Variants in TM9SF4 observed in about 807,000 individuals in gnomAD.
The protein encoded by TM9SF4 is dinucleotide oxidase disulfide thiol exchanger 3 superfamily member 4.
In TM9SF4, 26 loss-of-function variants were observed where a neutral mutation model predicts 90.4. The ratio of observed to expected loss-of-function variants is 0.29; its 90% CI spans 0.21 to 0.40. The LOEUF (loss-of-function observed/expected upper bound fraction) is 0.40. TM9SF4 is among the 10% of genes least tolerant of loss of function. The probability of loss-of-function intolerance (pLI) is 1.00; values close to 1 mark genes in which losing one functional copy is unlikely to be tolerated. For synonymous variants in TM9SF4, 293 were observed against 315.4 expected (o/e 0.93, Z 0.75); for missense variants, 549 against 834.8 (o/e 0.66, Z 4.22).
At chr20:32,129,492 C>T (rs1315455485) in intron 1 of TM9SF4, among the ~76,000 whole-genome samples, 10 of 149,748 alleles carry the variant, frequency 6.7e-5, no homozygotes. Context: ...GACCCTGTCT[C>T]AAAAAAAGAA....
chr20:32,143,239 A>G, intron 6 of TM9SF4, 134 bp downstream of exon 6: 1 of 1,137,260 alleles, frequency 8.8e-7, no homozygotes, highest in South Asian at 1.6e-5. Context: ...CCAAGGTAGG[A>G]TCATGGTATT....
chr20:32,165,247 G>T (rs1345695704), intron 17 of TM9SF4, 48 bp from the exon 18 acceptor site: 1 of 1,609,736 alleles, frequency 6.2e-7, no homozygotes, highest in Non-Finnish European at 8.5e-7. Flanking sequence ...TCGCCATGCA[G>T]CCTGGCACTA....
intron 1 of TM9SF4, among the ~76,000 whole-genome samples, chr20:32,127,020 C>A (rs1471345727): frequency 6.6e-6 from 1 of 152,170 alleles, no homozygotes; most frequent in East Asian, 1.9e-4. Context: ...AGGCACGAGC[C>A]ACCGCACCCA....
intron 1 of TM9SF4, among the ~76,000 whole-genome samples, chr20:32,123,866 A>ATTTTTTTTTTTTTTTTTTTT (rs1165240152): frequency 1.1e-5 from 1 of 93,980 alleles, no homozygotes; most frequent in African/African-American, 4.6e-5. Context: ...ATATATATAT[A>ATTTTTTTTTTTTTTTTTTTT]TTTTTTTTTT....
intron 1 of TM9SF4, among the ~76,000 whole-genome samples, chr20:32,122,657 C>T (rs1030021397): frequency 1.3e-5 from 2 of 150,906 alleles, no homozygotes; most frequent in African/African-American, 4.9e-5. Flanking sequence ...GGATGGCGGC[C>T]GGGCAGAGAC....
chr20:32,138,856 T>C (rs1210783495), intron 3 of TM9SF4, among the ~76,000 whole-genome samples: 1 of 152,220 alleles, frequency 6.6e-6, no homozygotes, highest in Admixed American at 6.5e-5. Flanking sequence ...GGAAATGGTA[T>C]AGAGGAAAGA....
At chr20:32,129,678 G>A (rs1220611808) in intron 1 of TM9SF4, among the ~76,000 whole-genome samples, 5 of 149,498 alleles carry the variant, frequency 3.3e-5, no homozygotes, top group African/African-American at 9.9e-5. Context: ...TCCGCCTCCC[G>A]GGTTCAAGCA....
chr20:32,140,371 C>A (rs2046654473), intron 3 of TM9SF4, among the ~76,000 whole-genome samples: 1 of 152,144 alleles, frequency 6.6e-6, no homozygotes, highest in African/African-American at 2.4e-5. Flanking sequence ...GCCTGAAAAT[C>A]TCAGGTGCTG....
intron 15 of TM9SF4, among the ~76,000 whole-genome samples, chr20:32,158,745 G>A (rs897027679): frequency 6.6e-6 from 1 of 152,200 alleles, no homozygotes; most frequent in Non-Finnish European, 1.5e-5. Context: ...CACTTTGGGA[G>A]GCCGAGGTGG....
intron 16 of TM9SF4, among the ~76,000 whole-genome samples, chr20:32,160,868 T>C (rs2047005495): frequency 7.2e-6 from 1 of 139,830 alleles, no homozygotes; most frequent in Non-Finnish European, 1.5e-5. Context: ...GAGAATCACT[T>C]GAACCCAGGA....
At position 32,155,246 on chromosome 20, in the gene TM9SF4, G is replaced by T. The variant is rs1200597106; in HGVS notation, c.1329+60G>T. The T allele has an allele frequency of 2.1e-6, 3 of 1,403,796 alleles. No homozygotes were observed. In the African/African-American group the frequency reaches 4.2e-5, roughly 20 times the overall value. 87.0% of individuals were successfully genotyped at this position (1,403,796 alleles called of 1,614,324 possible). ...AGCAAGCGAGGACCAGTTGCACTCAGCCCTACTCCCAAAAGCCACTTCCTG... is the reference window on the plus strand; with the variant it reads ...AGCAAGCGAGGACCAGTTGCACTCATCCCTACTCCCAAAAGCCACTTCCTG... On this transcript the variant is annotated intron_variant, in intron 13 of 17. Transcript: ENST00000398022.
chr20:32,113,767 A>G (rs962713114), intron 1 of TM9SF4, among the ~76,000 whole-genome samples: 2 of 152,222 alleles, frequency 1.3e-5, no homozygotes, highest in Non-Finnish European at 2.9e-5. Flanking sequence ...GGTTATCACC[A>G]TTGTGTAATT....
At chr20:32,125,042 C>G (rs2046399062) in intron 1 of TM9SF4, among the ~76,000 whole-genome samples, 1 of 152,072 alleles carries the variant, frequency 6.6e-6, no homozygotes. Context: ...GTCATGAGAC[C>G]TCTGATTCAA....
At chr20:32,121,892 A>C (rs1461113374) in intron 1 of TM9SF4, among the ~76,000 whole-genome samples, 17 of 94,224 alleles carry the variant, frequency 1.8e-4, no homozygotes, top group South Asian at 3.9e-4. Context: ...TGACCCCCCC[A>C]CCTCCCTCCC....
rs138689586 is a variant in TM9SF4, at chr20:32,166,481, G to C, written c.*1037G>C. ...GTAAGTGGCCAGGCATTCTCTCCCT[G>C]CCCTCTCTGGCCTCTGGGGTCATAC... On this transcript the variant is annotated 3_prime_UTR_variant, in exon 18 of 18. Transcript: ENST00000398022. 19 of 152,430 alleles carry C rather than the reference G, an allele frequency of 1.2e-4. No homozygotes were observed. Among genetic ancestry groups the C allele is most frequent in the African/African-American group, 4.6e-4 (19 of 41,558 alleles). The allele number at this position is 152,430 out of a possible 1,614,324, so 9.4% of individuals were successfully genotyped here.
chr20:32,142,141 C>T lies in TM9SF4; in HGVS notation c.528+246C>T, dbSNP rs886620574. ...ATTAAAACAACATAAAAAAAAAAAC[C>T]GTGGAACTTCATCAGTATGTAGGAG... On this transcript the variant is annotated intron_variant, in intron 5 of 17. Transcript: ENST00000398022. Among the ~76,000 whole-genome samples, 6 of 152,054 alleles carry T rather than the reference C, an allele frequency of 3.9e-5. 1 individual carries two copies. Among genetic ancestry groups the T allele is most frequent in the African/African-American group, 1.2e-4 (5 of 41,482 alleles).
intron 9 of TM9SF4, among the ~76,000 whole-genome samples, chr20:32,147,682 G>A (rs555813335): frequency 2.8e-4 from 42 of 151,760 alleles, no homozygotes; most frequent in African/African-American, 8.7e-4. Context: ...TGAAAACTTC[G>A]TCTCTAATAA....
chr20:32,111,923 A>G (rs934190896), intron 1 of TM9SF4, among the ~76,000 whole-genome samples: 4 of 152,184 alleles, frequency 2.6e-5, no homozygotes, highest in Admixed American at 2.6e-4. Context: ...TGTTTTGAGA[A>G]GCATGCCTGG....
In TM9SF4 at chr20:32,149,663, G is replaced by C; in HGVS notation, c.984G>C (p.Lys328Asn). The change falls in exon 10 of 18, where the codon AAG (lysine) becomes AAC (asparagine). Residue 328 changes from lysine (K) to asparagine (N), a missense_variant. Physicochemically the swap from Lys to Asn is moderately conservative, Grantham distance 94. This residue lies in a region of TM9SF4 where 495 missense variants were observed against 711.7 expected (regional missense o/e 0.70). Transcript: ENST00000398022. ...IEDTMEESGW[K>N]LVHGDVFRPP... ...ACACCATGGAGGAGTCTGGGTGGAA[G>C]TTGGTGCACGGCGACGTCTTCAGGC... 1 of 1,614,210 alleles carries C rather than the reference G, an allele frequency of 6.2e-7. No individual in the cohort carries two copies.
Sources: allele counts gnomAD v4.1 joint callset (sites outside exome capture counted in the v4.1 genomes callset), GRCh38; gene constraint gnomAD v4.1.1; regional missense constraint gnomAD v4.1.1; transcripts MANE v1.5; gene names NCBI Gene and HGNC (gene_info 2026-07-23, HGNC 2026-07-21).